ERGIC1: variants seen among roughly 807,000 people sequenced by gnomAD.
The protein encoded by ERGIC1 is endoplasmic reticulum-golgi intermediate compartment 1, also known as endoplasmic reticulum-Golgi intermediate compartment protein 1.
Under a neutral mutation model 38.3 loss-of-function variants are expected in ERGIC1, and 19 were observed. The observed-to-expected ratio is 0.50, with a 90% CI of 0.35 to 0.73. The LOEUF (loss-of-function observed/expected upper bound fraction) is 0.73. Among genes scored for constraint, ERGIC1 ranks in the 30% least tolerant of loss-of-function variants. The pLI, the probability that ERGIC1 is intolerant of heterozygous loss-of-function variation, is 0.01. For synonymous variants in ERGIC1, 124 were observed against 157.6 expected, an observed-to-expected ratio of 0.79 and a Z score of 1.60; for missense variants, 294 against 389.2, an observed-to-expected ratio of 0.76 and a Z score of 2.06.
chr5:172,842,754 G>A (rs1461248144), intron 1 of ERGIC1, among the ~76,000 whole-genome samples: 1 of 152,200 alleles, frequency 6.6e-6, no homozygotes, highest in African/African-American at 2.4e-5. Context: ...GCATTTCCCT[G>A]ATGAATAGAG....
At chr5:172,923,542 T>G (rs1763579895) in intron 5 of ERGIC1, among the ~76,000 whole-genome samples, 2 of 152,210 alleles carry the variant, frequency 1.3e-5, no homozygotes, top group Admixed American at 1.3e-4. Flanking sequence ...TACCACAGTC[T>G]GTCCATCAGG....
At chr5:172,876,154 G>A (rs6882837) in intron 1 of ERGIC1, among the ~76,000 whole-genome samples, 10 of 151,948 alleles carry the variant, frequency 6.6e-5, no homozygotes, top group South Asian at 6.2e-4. Context: ...GGATCACTGC[G>A]TTCAGGCAGG....
At chr5:172,922,854 A>G (rs539609265) in intron 5 of ERGIC1, among the ~76,000 whole-genome samples, 9 of 152,298 alleles carry the variant, frequency 5.9e-5, no homozygotes, top group Non-Finnish European at 1.3e-4. Context: ...TTATTGGGAA[A>G]AGGCCCAGGC....
intron 3 of ERGIC1, chr5:172,898,078 C>T (rs1372664956): frequency 2.5e-6 from 1 of 394,744 alleles, no homozygotes; most frequent in African/African-American, 2.1e-5. Flanking sequence ...CTCTTCATTT[C>T]TGTGTTTACA....
At chr5:172,888,886 G>A in intron 2 of ERGIC1, 126 bp downstream of exon 2, 1 of 893,254 alleles carries the variant, frequency 1.1e-6, no homozygotes. Flanking sequence ...GAAATGCTGA[G>A]CATCTTGCGG....
At chr5:172,939,909 G>A (rs75394784) in intron 9 of ERGIC1, among the ~76,000 whole-genome samples, 3,880 of 152,364 alleles carry the variant, frequency 0.025, 68 homozygotes, top group Middle Eastern at 0.048. Flanking sequence ...GCCCTCGGAG[G>A]GCGGGGTGGG....
Position 172,878,747 on chromosome 5 carries a change from G to A in ERGIC1, c.21-9952G>A, listed in dbSNP as rs73325145. 2.8e-3 allele frequency among the ~76,000 whole-genome samples: 421 copies of A among 152,170 alleles called. 1 individual carries two copies. The highest frequency in any genetic ancestry group is 9.4e-3 in the African/African-American group (392 of 41,512). Reference sequence around the variant, plus strand: ...GAGAATGATTCTAGGGCTCCCTCCCGCCTGCCTCCACTTGGCTCTGGTGTG... The same window carrying A: ...GAGAATGATTCTAGGGCTCCCTCCCACCTGCCTCCACTTGGCTCTGGTGTG... On this transcript the variant is annotated intron_variant, in intron 1 of 9. Coordinates refer to ENST00000393784, the MANE Select transcript of ERGIC1 (RefSeq NM_001031711.3).
intron 9 of ERGIC1, among the ~76,000 whole-genome samples, chr5:172,940,704 C>T (rs950679739): frequency 6.6e-6 from 1 of 152,090 alleles, no homozygotes; most frequent in Admixed American, 6.6e-5. Context: ...TTGCGCAGCT[C>T]CCTTAACTCA....
chr5:172,848,071 A>G (rs762636476), intron 1 of ERGIC1, among the ~76,000 whole-genome samples: 7 of 152,234 alleles, frequency 4.6e-5, no homozygotes, highest in Non-Finnish European at 8.8e-5. Flanking sequence ...TGCCACCCTG[A>G]GGCTTTCTCG....
chr5:172,844,091 C>A (rs1026864049), intron 1 of ERGIC1, among the ~76,000 whole-genome samples: 5 of 152,194 alleles, frequency 3.3e-5, no homozygotes, highest in African/African-American at 4.8e-5. Context: ...GGCACAGATA[C>A]AATCACATGG....
chr5:172,843,891 G>A (rs1317469025), intron 1 of ERGIC1, among the ~76,000 whole-genome samples: 1 of 152,188 alleles, frequency 6.6e-6, no homozygotes, highest in Non-Finnish European at 1.5e-5. Flanking sequence ...TTCTTTGCGG[G>A]GATTTTGTGA....
Position 172,942,217 on chromosome 5 carries a change from A to T in ERGIC1, c.765+6907A>T, listed in dbSNP as rs1013035007. Among the ~76,000 whole-genome samples the T allele has an allele frequency of 1.1e-4, 17 of 152,180 alleles. No individual in the cohort carries two copies. In the South Asian group the frequency reaches 3.5e-3, roughly 32 times the overall value. Reference sequence around the variant, plus strand: ...TCAAAAAATAATAATAATAAAAAATAAAAAAAAGAATTGACAAGAGACAAA... The same window carrying T: ...TCAAAAAATAATAATAATAAAAAATTAAAAAAAGAATTGACAAGAGACAAA... On this transcript the variant is annotated intron_variant, in intron 9 of 9. Coordinates refer to ENST00000393784, the MANE Select transcript of ERGIC1 (RefSeq NM_001031711.3).
chr5:172,915,701 T>C, intron 5 of ERGIC1: 1 of 464,988 alleles, frequency 2.2e-6, no homozygotes, highest in South Asian at 1.6e-5. Context: ...GTTAGGATGC[T>C]GGGGCCCAGA....
At chr5:172,849,720 A>C (rs974702512) in intron 1 of ERGIC1, among the ~76,000 whole-genome samples, 3 of 152,188 alleles carry the variant, frequency 2.0e-5, no homozygotes, top group Non-Finnish European at 4.4e-5. Context: ...CATACCCCCA[A>C]TGACAGCAGC....
intron 5 of ERGIC1, chr5:172,922,339 A>T (rs1026808964): frequency 3.3e-5 from 5 of 152,364 alleles, no homozygotes; most frequent in African/African-American, 9.6e-5. Flanking sequence ...TTCATTCAAA[A>T]AGTGTCTATT....
At chr5:172,914,079 A>T (rs1430726292) in intron 4 of ERGIC1, among the ~76,000 whole-genome samples, 1 of 151,962 alleles carries the variant, frequency 6.6e-6, no homozygotes, top group African/African-American at 2.4e-5. Context: ...TACTAAAAAT[A>T]CAAAAAAAAT....
chr5:172,854,444 GA>G (rs1277267019), intron 1 of ERGIC1, among the ~76,000 whole-genome samples: 2 of 152,278 alleles, frequency 1.3e-5, no homozygotes, highest in East Asian at 1.9e-4. Context: ...ACATTGATGA[GA>G]AAAAAAAGTA....
chr5:172,923,124 G>A (rs1763566387), intron 5 of ERGIC1, among the ~76,000 whole-genome samples: 3 of 120,436 alleles, frequency 2.5e-5, no homozygotes, highest in Non-Finnish European at 3.8e-5. Flanking sequence ...GTTCTAGTCT[G>A]AGCATCTGGG....
intron 1 of ERGIC1, among the ~76,000 whole-genome samples, chr5:172,839,789 G>A (rs1486322639): frequency 6.6e-6 from 1 of 152,196 alleles, no homozygotes; most frequent in African/African-American, 2.4e-5. Flanking sequence ...GGGAGGTGCT[G>A]TTGTTACCCC....
Sources: gnomAD v4.1 joint callset for allele counts (sites outside exome capture counted in the v4.1 genomes callset) on GRCh38, gnomAD v4.1.1 for gene constraint, MANE v1.5 for transcripts, NCBI Gene and HGNC (gene_info 2026-07-23, HGNC 2026-07-21) for gene names.